PARVB: variants seen among roughly 807,000 people sequenced by gnomAD.
PARVB encodes the protein parvin beta, also known as beta-parvin.
PARVB carries 46 observed loss-of-function variants against 47.0 expected under a neutral mutation model. The observed-to-expected ratio is 0.98, with a 90% CI of 0.77 to 1.25. PARVB has a LOEUF of 1.25. Ranked by LOEUF, PARVB falls within the 50% of genes most tolerant of loss-of-function variation. PARVB has a pLI of 0.00. For missense variants in PARVB, 473 were observed against 471.6 expected (o/e 1.00, Z -0.03); for synonymous variants, 196 against 196.3 (o/e 1.00, Z 0.01).
chr22:44,075,410 C>G (rs1426089854), intron 1 of PARVB, among the ~76,000 whole-genome samples: 2 of 152,222 alleles, frequency 1.3e-5, no homozygotes, highest in Non-Finnish European at 2.9e-5. Flanking sequence ...TCAACATCCT[C>G]CCCCTCTAAC....
chr22:44,051,470 G>A (rs976953840), intron 1 of PARVB, among the ~76,000 whole-genome samples: 4 of 152,186 alleles, frequency 2.6e-5, no homozygotes, highest in Non-Finnish European at 2.9e-5. Flanking sequence ...AGACAAGCAG[G>A]TGATAGTGTT....
chr22:44,050,436 C>T (rs550995949), intron 1 of PARVB, among the ~76,000 whole-genome samples: 12 of 151,908 alleles, frequency 7.9e-5, no homozygotes, highest in Non-Finnish European at 1.3e-4. Flanking sequence ...CTCCGCCTCC[C>T]GGGTTCAAGT....
chr22:44,036,227 A>G (rs1264955146), intron 1 of PARVB, among the ~76,000 whole-genome samples: 1 of 152,196 alleles, frequency 6.6e-6, no homozygotes, highest in African/African-American at 2.4e-5. Flanking sequence ...ACTGCACTCC[A>G]GCCTGGGTGA....
intron 12 of PARVB, among the ~76,000 whole-genome samples, chr22:44,164,201 C>T (rs1035873535): frequency 2.6e-5 from 4 of 152,330 alleles, no homozygotes; most frequent in East Asian, 1.9e-4. Context: ...GGATTAAGTG[C>T]GTCTCTAGCT....
At chr22:44,129,435 G>T (rs951841889) in intron 4 of PARVB, among the ~76,000 whole-genome samples, 21 of 152,208 alleles carry the variant, frequency 1.4e-4, no homozygotes, top group African/African-American at 5.1e-4. Flanking sequence ...CCTCCACCCT[G>T]GGTGACGTGG....
chr22:44,172,861 C>A lies in PARVB; in HGVS notation c.*4183C>A. On this transcript the variant is annotated 3_prime_UTR_variant, in exon 13 of 13. Transcript: ENST00000338758. ...CTGCAACACCGGGCAAACACTTCTT[C>A]CGCCAGGGATGCGGTTAGGACAATG... 1.2e-6 allele frequency: 1 copy of A among 813,868 alleles called. No individual in the cohort carries two copies. Among genetic ancestry groups the A allele is most frequent in the South Asian group, 1.7e-5 (1 of 60,248 alleles). 50.4% of individuals were successfully genotyped at this position (813,868 alleles called of 1,614,324 possible).
At chr22:44,016,056 GCA>G (rs2050573283) in intron 2 of PARVB, among the ~76,000 whole-genome samples, 1 of 151,326 alleles carries the variant, frequency 6.6e-6, no homozygotes, top group South Asian at 2.1e-4. Flanking sequence ...TTCTCTCTGG[GCA>G]GAGAGCTCTT....
chr22:44,071,763 C>T (rs2051659447), intron 1 of PARVB, among the ~76,000 whole-genome samples: 1 of 152,242 alleles, frequency 6.6e-6, no homozygotes, highest in Non-Finnish European at 1.5e-5. Flanking sequence ...GGAGGAATCA[C>T]ATCCTAGCTC....
At chr22:44,087,922 A>G (rs9625983) in intron 1 of PARVB, among the ~76,000 whole-genome samples, 2,762 of 147,686 alleles carry the variant, frequency 0.019, 101 homozygotes, top group African/African-American at 0.067. Context: ...GAAGCCGCAC[A>G]TATTCCACCA....
At chr22:43,999,344 C>T (rs1603421247) in exon 1 of PARVB, 1 of 1,605,648 alleles carries the variant, frequency 6.2e-7, no homozygotes, top group East Asian at 2.2e-5. Context: ...TGCACAAATG[C>T]ACCATGTGTT....
At position 44,049,154 on chromosome 22, in the gene PARVB, G is replaced by A. The variant is rs1022188377; in HGVS notation, c.112+24703G>A. 1.3e-5 allele frequency among the ~76,000 whole-genome samples: 2 copies of A among 152,166 alleles called. No individual in the cohort carries two copies. The highest frequency in any genetic ancestry group is 4.8e-5 in the African/African-American group (2 of 41,430). On this transcript the variant is annotated intron_variant, in intron 1 of 12. Transcript: ENST00000338758. This position sits in a 1 kb window ranked among gnomAD's most constrained non-coding sequence, Gnocchi z 4.0. ...GAGATGAAAATGAGTCTCATTTTAC[G>A]ATGAGGAAACTGAGGCCCTGAGAGA...
chr22:44,148,121 C>T, intron 9 of PARVB, 199 bp downstream of exon 9: 1 of 598,572 alleles, frequency 1.7e-6, no homozygotes, highest in Non-Finnish European at 3.0e-6. Context: ...TCGCTGCTCC[C>T]TGGGTGTCTT....
At chr22:44,022,984 T>G (rs906258379), upstream of PARVB, among the ~76,000 whole-genome samples, 1 of 151,818 alleles carries the variant, frequency 6.6e-6, no homozygotes, top group East Asian at 2.0e-4. Flanking sequence ...TGACCTCAGG[T>G]GATCTGCCTG....
At chr22:44,048,124 T>C (rs1175828407) in intron 1 of PARVB, among the ~76,000 whole-genome samples, 3 of 152,134 alleles carry the variant, frequency 2.0e-5, no homozygotes, top group Non-Finnish European at 4.4e-5. Context: ...AGAAGAGCTG[T>C]GCAGAATGTG....
rs763079877 is a variant in PARVB at position 44,024,398 on chromosome 22, C to G, written c.59C>G (p.Ser20Trp). Residue 20 changes from serine to tryptophan, a missense_variant, in exon 1 of 13, where the codon TCG (serine) becomes TGG (tryptophan). Transcript: ENST00000338758. ...PRPRRMKKDE[S>W]FLGKLGGTLA... ...CCCCGCAGGATGAAGAAGGACGAGT[C>G]GTTCCTGGGCAAGCTGGGCGGCACC... 2.4e-6 allele frequency: 3 copies of G among 1,257,680 alleles called. No individual in the cohort carries two copies. The highest frequency in any genetic ancestry group is 2.0e-5 in the South Asian group (1 of 49,508). 77.9% of individuals were successfully genotyped at this position (1,257,680 alleles called of 1,614,324 possible). A position where few individuals can be genotyped will look rare whatever the true frequency, so the allele number is the denominator to read the frequency against.
intron 1 of PARVB, among the ~76,000 whole-genome samples, chr22:44,073,835 G>C (rs1013998095): frequency 1.3e-5 from 2 of 152,242 alleles, no homozygotes; most frequent in South Asian, 4.1e-4. Flanking sequence ...TGGTGGGCTC[G>C]GCAGCTGGCC....
chr22:44,132,771 T>G, intron 5 of PARVB, 123 bp from the exon 6 acceptor site: 1 of 624,810 alleles, frequency 1.6e-6, no homozygotes, highest in South Asian at 2.0e-5. Context: ...TGTCCACACT[T>G]CGCTCCATCC....
In PARVB at chr22:44,063,518, C is replaced by T. The variant is rs141362416; in HGVS notation, c.113-30410C>T. Among the ~76,000 whole-genome samples the T allele has an allele frequency of 8.1e-4, 123 of 152,264 alleles. 2 individuals are homozygous for T. The highest frequency in any genetic ancestry group is 2.8e-3 in the African/African-American group (115 of 41,546). On this transcript the variant is annotated intron_variant, in intron 1 of 12. Coordinates refer to ENST00000338758, the MANE Select transcript of PARVB (RefSeq NM_013327.5). ...CTGGGATTACAGGCGTGAGCCACCG[C>T]GCCTGGCCCAATATGAATATTTCTT...
At chr22:44,069,680 C>T (rs2051611154) in intron 1 of PARVB, among the ~76,000 whole-genome samples, 1 of 152,196 alleles carries the variant, frequency 6.6e-6, no homozygotes, top group African/African-American at 2.4e-5. Context: ...AGGCTCCCGC[C>T]ACCGCGCCTG....
Sources: allele counts gnomAD v4.1 joint callset (sites outside exome capture counted in the v4.1 genomes callset), GRCh38; gene constraint gnomAD v4.1.1; non-coding constraint Gnocchi (gnomAD v3.1); transcripts MANE v1.5; gene names NCBI Gene and HGNC (gene_info 2026-07-23, HGNC 2026-07-21).